The following HCFC2 variants were observed in gnomAD, a reference collection of about 807,000 sequenced individuals.
The protein encoded by HCFC2 is host cell factor C2.
HCFC2 carries 18 observed loss-of-function variants against 89.2 expected under a neutral mutation model. The ratio of observed to expected loss-of-function variants is 0.20; its 90% CI spans 0.14 to 0.30. The LOEUF (loss-of-function observed/expected upper bound fraction) is 0.30. Among genes scored for constraint, HCFC2 ranks in the 10% least tolerant of loss-of-function variants. The probability of loss-of-function intolerance (pLI) is 1.00; values close to 1 mark genes in which losing one functional copy is unlikely to be tolerated. For synonymous variants in HCFC2, 308 were observed against 335.7 expected, an observed-to-expected ratio of 0.92 and a Z score of 0.90; for missense variants, 578 against 956.1, an observed-to-expected ratio of 0.60 and a Z score of 5.21.
chr12:104,083,136 T>C (rs1593600560), intron 7 of HCFC2, among the ~76,000 whole-genome samples: 1 of 152,082 alleles, frequency 6.6e-6, no homozygotes, highest in Non-Finnish European at 1.5e-5. Flanking sequence ...AAAGGGAAAA[T>C]AGTAGCTTTA....
At chr12:104,101,806 G>C (rs2029947359) in intron 13 of HCFC2, among the ~76,000 whole-genome samples, 162 bp from the exon 14 acceptor site, 1 of 151,934 alleles carries the variant, frequency 6.6e-6, no homozygotes. Flanking sequence ...TCTATTGGAG[G>C]GTTCATTCCA....
chr12:104,096,816 A>G (rs1249659390), intron 12 of HCFC2, among the ~76,000 whole-genome samples: 2 of 152,184 alleles, frequency 1.3e-5, no homozygotes, highest in African/African-American at 2.4e-5. Flanking sequence ...GTGTGTATGT[A>G]TATATACATA....
rs1593615388 is a variant in HCFC2, at chr12:104,103,307, ATTAT to A, written c.*40_*43del. 6.7e-7 allele frequency: 1 copy of A among 1,501,984 alleles called. No individual in the cohort carries two copies. The allele number at this position is 1,501,984 out of a possible 1,614,324, so 93.0% of individuals were successfully genotyped here. A position where few individuals can be genotyped will look rare whatever the true frequency, so the allele number is the denominator to read the frequency against. On this transcript the variant is annotated 3_prime_UTR_variant, in exon 15 of 15. Transcript: ENST00000229330. ...TTTTACTGAAGCTATTGTGATGATG[ATTAT>A]TTATTAGTAACTGGTTATGAAGATT...
chr12:104,089,539 A>T (rs1215863416), intron 9 of HCFC2, among the ~76,000 whole-genome samples: 1 of 152,208 alleles, frequency 6.6e-6, no homozygotes. Context: ...ATAAATAGTC[A>T]CACAGAAATG....
At chr12:104,081,811 G>A (rs1048788159) in intron 5 of HCFC2, among the ~76,000 whole-genome samples, 1 of 151,540 alleles carries the variant, frequency 6.6e-6, no homozygotes, top group Non-Finnish European at 1.5e-5. Flanking sequence ...AGGCCAAGGT[G>A]GAAGGATGGC....
intron 9 of HCFC2, among the ~76,000 whole-genome samples, chr12:104,091,644 G>A (rs1884025966): frequency 6.6e-6 from 1 of 152,130 alleles, no homozygotes; most frequent in Non-Finnish European, 1.5e-5. Flanking sequence ...TAAAATTCCA[G>A]TTAGACTGAG....
rs1288302405 is a variant in HCFC2 at position 104,104,335 on chromosome 12, C to A, written c.*1062C>A. The A allele has an allele frequency of 6.6e-6, 1 of 151,924 alleles. No homozygotes were observed. Among genetic ancestry groups the A allele is most frequent in the Non-Finnish European group, 1.5e-5 (1 of 67,874 alleles). The allele number at this position is 151,924 out of a possible 1,614,324, so 9.4% of individuals were successfully genotyped here. On this transcript the variant is annotated 3_prime_UTR_variant, in exon 15 of 15. Coordinates refer to ENST00000229330, the MANE Select transcript of HCFC2 (RefSeq NM_013320.3). ...CTATGAAAATATAAGCATTAGACAG[C>A]TAACTCAGGTTCCATTACAACCTTA...
In HCFC2 at chr12:104,064,808, G is replaced by A; in HGVS notation, c.163+85G>A. 2 of 1,282,544 alleles carry A rather than the reference G, an allele frequency of 1.6e-6. No individual in the cohort carries two copies. The highest frequency in any genetic ancestry group is 1.0e-6 in the Non-Finnish European group (1 of 964,428). 79.4% of individuals were successfully genotyped at this position (1,282,544 alleles called of 1,614,324 possible). The stretch of plus-strand genomic sequence containing the variant: ...CGAGGCGGCGGCCGCGGCCCTGACA[G>A]CTGTCACCGCCCGGTCACTGCTTCC... On this transcript the variant is annotated intron_variant, in intron 1 of 14. Transcript: ENST00000229330. This position sits in a 1 kb window ranked among gnomAD's most constrained non-coding sequence, Gnocchi z 7.3.
In HCFC2 at chr12:104,093,390, A is replaced by G. The variant is rs978795089; in HGVS notation, c.1289A>G (p.Asn430Ser). ...GSNNIVPNSI[N>S]DTINSTKTEQ... ...AATCTGTTATATTTCTTGTAGATCA[A>G]TGATACAATAAACAGCACAAAAACT... Residue 430 changes from asparagine (N) to serine (S), a missense_variant, in exon 10 of 15, where the codon AAT becomes AGT. Asn to Ser is a conservative substitution (Grantham distance 46). Transcript: ENST00000229330. The G allele has an allele frequency of 1.0e-5, 16 of 1,607,278 alleles. No individual in the cohort carries two copies. The highest frequency in any genetic ancestry group is 4.4e-5 in the South Asian group (4 of 90,436).
chr12:104,102,022 CCAGGCACAGGATACAGATT>C lies in HCFC2; in HGVS notation c.1938_1956del (p.Thr647LeufsTer9). ...CTTGCTTAAGAAACAAGATCTTGTTCCAGGCACAGGATACAGATTCAGGGTTGCTGCAATCAATGGTTGT... is the reference window on the plus strand; with the variant it reads ...CTTGCTTAAGAAACAAGATCTTGTTCCAGGGTTGCTGCAATCAATGGTTGT... On this transcript the variant is annotated frameshift_variant, in exon 14 of 15. Coordinates refer to ENST00000229330, the MANE Select transcript of HCFC2 (RefSeq NM_013320.3). LOFTEE classifies it high-confidence loss of function. The C allele has an allele frequency of 6.2e-7, 1 of 1,613,016 alleles. No homozygotes were observed. Among genetic ancestry groups the C allele is most frequent in the Non-Finnish European group, 8.5e-7 (1 of 1,179,318 alleles).
chr12:104,067,287 C>G (rs931441081), intron 2 of HCFC2, among the ~76,000 whole-genome samples: 1 of 152,184 alleles, frequency 6.6e-6, no homozygotes, highest in Non-Finnish European at 1.5e-5. Context: ...CTACACCCCC[C>G]ACCTTGACAA....
At chr12:104,088,877 A>G (rs181495389) in intron 9 of HCFC2, among the ~76,000 whole-genome samples, 1 of 152,266 alleles carries the variant, frequency 6.6e-6, no homozygotes, top group East Asian at 1.9e-4. Context: ...AATTTAGATG[A>G]TACTGTAAAG....
chr12:104,067,306 A>G (rs887341151), intron 2 of HCFC2, among the ~76,000 whole-genome samples: 4 of 152,198 alleles, frequency 2.6e-5, no homozygotes, highest in Admixed American at 2.0e-4. Context: ...AATACATACA[A>G]AAGAGGAGTA....
At chr12:104,101,947 T>A (rs1054149987) in intron 13 of HCFC2, 21 bp from the exon 14 acceptor site, 51 of 1,509,698 alleles carry the variant, frequency 3.4e-5, no homozygotes, top group Non-Finnish European at 3.8e-5. Context: ...TTCTTTGACT[T>A]TTGCATATAC....
chr12:104,078,720 T>C (rs1353148502), intron 3 of HCFC2, among the ~76,000 whole-genome samples: 1 of 152,210 alleles, frequency 6.6e-6, no homozygotes, highest in Admixed American at 6.5e-5. Context: ...TGCCCCAAAA[T>C]TTAATGATGC....
intron 3 of HCFC2, among the ~76,000 whole-genome samples, 185 bp from the exon 4 acceptor site, chr12:104,079,260 G>A (rs1883607190): frequency 6.6e-6 from 1 of 152,158 alleles, no homozygotes; most frequent in African/African-American, 2.4e-5. Context: ...AGAGTGCCTG[G>A]TACATAGTAG....
intron 7 of HCFC2, among the ~76,000 whole-genome samples, chr12:104,083,787 A>C (rs1367977366): frequency 2.0e-5 from 3 of 152,190 alleles, no homozygotes; most frequent in Non-Finnish European, 1.5e-5. Context: ...GCACTTTGGG[A>C]AGCTGAGGCA....
chr12:104,066,134 TATA>T (rs757861393), intron 1 of HCFC2, 30 bp from the exon 2 acceptor site: 1 of 1,603,416 alleles, frequency 6.2e-7, no homozygotes, highest in African/African-American at 1.3e-5. Context: ...CGTTGTTTGT[TATA>T]ATCGGTTTTC....
intron 12 of HCFC2, among the ~76,000 whole-genome samples, chr12:104,096,952 G>A (rs146348591): frequency 2.0e-3 from 301 of 152,172 alleles, no homozygotes; most frequent in Non-Finnish European, 6.5e-4. Context: ...TTGCAATAGT[G>A]GATTGACATA....
Sources: gnomAD v4.1 joint callset for allele counts (sites outside exome capture counted in the v4.1 genomes callset) on GRCh38, gnomAD v4.1.1 for gene constraint, Gnocchi (gnomAD v3.1) non-coding constraint, MANE v1.5 for transcripts, NCBI Gene and HGNC (gene_info 2026-07-23, HGNC 2026-07-21) for gene names.